The following GRIP1 variants were observed in gnomAD, a reference collection of about 807,000 sequenced individuals.
GRIP1 encodes glutamate receptor-interacting protein 1.
GRIP1 carries 45 observed loss-of-function variants against 129.9 expected under a neutral mutation model. That is an observed-to-expected ratio of 0.35 (90% CI 0.27 to 0.44). GRIP1 has a LOEUF of 0.44. Among genes scored for constraint, GRIP1 ranks in the 20% least tolerant of loss-of-function variants. The pLI is 1.00. For synonymous variants in GRIP1, 530 were observed against 520.8 expected (o/e 1.02, Z -0.24); for missense variants, 1,196 against 1,396.8 (o/e 0.86, Z 2.29).
At chr12:66,422,359 A>G (rs10748045) in intron 14 of GRIP1, among the ~76,000 whole-genome samples, 62,703 of 152,048 alleles carry the variant, frequency 0.41, 13,275 homozygotes, top group African/African-American at 0.5. Context: ...TTAAAACTTC[A>G]TTCAATGATT....
intron 1 of GRIP1, among the ~76,000 whole-genome samples, chr12:66,936,226 C>G (rs2041481777): frequency 6.6e-6 from 1 of 152,056 alleles, no homozygotes; most frequent in Admixed American, 6.6e-5. Context: ...TTGAGACCAG[C>G]CTGGGCAACA....
intron 1 of GRIP1, among the ~76,000 whole-genome samples, chr12:66,657,837 G>A (rs563646228): frequency 2.5e-4 from 38 of 152,300 alleles, no homozygotes; most frequent in Non-Finnish European, 4.4e-4. Context: ...CACGATGGCC[G>A]TAATGTCTCC....
intron 2 of GRIP1, among the ~76,000 whole-genome samples, chr12:66,580,758 C>T (rs1395654119): frequency 1.3e-5 from 2 of 151,516 alleles, no homozygotes; most frequent in Non-Finnish European, 2.9e-5. Flanking sequence ...ATTCATAAAG[C>T]AAGTCCTTAG....
At chr12:66,600,359 C>CA (rs879540488) in intron 1 of GRIP1, among the ~76,000 whole-genome samples, 33 of 151,654 alleles carry the variant, frequency 2.2e-4, no homozygotes, top group Middle Eastern at 6.8e-3. Context: ...TATAAACGAA[C>CA]AAAAAAAAGG....
intron 1 of GRIP1, among the ~76,000 whole-genome samples, chr12:66,781,651 G>C (rs2136788960): frequency 6.6e-6 from 1 of 152,256 alleles, no homozygotes; most frequent in African/African-American, 2.4e-5. Flanking sequence ...AATTATGCAA[G>C]AACAATAGGT....
chr12:67,065,081 C>T (rs2043601457), intron 1 of GRIP1: 2 of 151,956 alleles, frequency 1.3e-5, no homozygotes, highest in Middle Eastern at 6.8e-3. Flanking sequence ...AGGACATGAA[C>T]TCATCATTTT....
chr12:66,410,596 T>C (rs1046816998), intron 15 of GRIP1, among the ~76,000 whole-genome samples: 1 of 151,822 alleles, frequency 6.6e-6, no homozygotes, highest in Non-Finnish European at 1.5e-5. Flanking sequence ...TGGGCCGAGA[T>C]TGCACCACAT....
chr12:66,358,945 C>A (rs1389726897), intron 23 of GRIP1, among the ~76,000 whole-genome samples: 1 of 152,206 alleles, frequency 6.6e-6, no homozygotes, highest in Non-Finnish European at 1.5e-5. Flanking sequence ...ATGTCCCACT[C>A]TGGCTTTATC....
rs189954108 is a variant in GRIP1, at chr12:66,480,727, G to C, written c.725-15305C>G. On this transcript the variant is annotated intron_variant, in intron 7 of 24. Coordinates refer to ENST00000359742, the MANE Select transcript of GRIP1 (RefSeq NM_001366722.1). ...ATCAAAACAGAGATATAGACCAATG[G>C]AACAGAACAGAGGCCTCAGAAATAA... Among the ~76,000 whole-genome samples the C allele has an allele frequency of 2.9e-3, 441 of 152,182 alleles. 3 individuals are homozygous for C. The highest frequency in any genetic ancestry group is 0.01 in the African/African-American group (416 of 41,516).
At chr12:67,068,464 A>G (rs1398180591) in intron 1 of GRIP1, among the ~76,000 whole-genome samples, 9 of 151,640 alleles carry the variant, frequency 5.9e-5, no homozygotes, top group Admixed American at 3.9e-4. Flanking sequence ...CGAGGGGACA[A>G]TCTTTCCCCT....
At chr12:66,481,349 G>C (rs2059800369) in intron 7 of GRIP1, among the ~76,000 whole-genome samples, 1 of 151,844 alleles carries the variant, frequency 6.6e-6, no homozygotes, top group South Asian at 2.1e-4. Context: ...CTGAAAAAAA[G>C]CTCATCATCA....
chr12:66,798,030 T>A (rs1444854442), intron 1 of GRIP1, among the ~76,000 whole-genome samples: 1 of 152,200 alleles, frequency 6.6e-6, no homozygotes, highest in Non-Finnish European at 1.5e-5. Flanking sequence ...AGGAGCATTT[T>A]AAATATGAAC....
chr12:66,533,117 A>ATT (rs1163748025), intron 4 of GRIP1, among the ~76,000 whole-genome samples: 1 of 152,194 alleles, frequency 6.6e-6, no homozygotes, highest in Non-Finnish European at 1.5e-5. Flanking sequence ...ATGGATGAGA[A>ATT]TTATGTAACA....
chr12:66,366,150 A>G (rs139807872), intron 23 of GRIP1, among the ~76,000 whole-genome samples: 2 of 152,326 alleles, frequency 1.3e-5, no homozygotes, highest in Non-Finnish European at 1.5e-5. Context: ...ACAATTCTAC[A>G]CTAGGTATTT....
intron 1 of GRIP1, chr12:66,630,129 T>TA: frequency 6.6e-6 from 1 of 152,358 alleles, no homozygotes; most frequent in Middle Eastern, 3.4e-3. Context: ...GACAGGCAGA[T>TA]CACTGGAGGC....
intron 1 of GRIP1, among the ~76,000 whole-genome samples, chr12:66,658,154 T>A (rs2033277685): frequency 6.6e-6 from 1 of 152,072 alleles, no homozygotes; most frequent in Non-Finnish European, 1.5e-5. Context: ...AACTGATTTG[T>A]TAATGCAAAA....
In GRIP1 at chr12:66,711,146, C is replaced by T. The variant is rs148055358; in HGVS notation, c.-419-80810G>A. Among the ~76,000 whole-genome samples, 503 of 151,934 alleles carry T rather than the reference C, an allele frequency of 3.3e-3. 2 individuals are homozygous for T. The highest frequency in any genetic ancestry group is 0.011 in the African/African-American group (473 of 41,510). ...CATAACCTGATTTAGAGCTTGCTTG[C>T]TCAGATTCTTGCTATTAGAAAAGTC... On this transcript the variant is annotated intron_variant, in intron 1 of 4. Coordinates refer to the GRIP1 transcript ENST00000538373.
chr12:66,483,419 C>T (rs574757723), intron 7 of GRIP1, among the ~76,000 whole-genome samples: 79 of 152,190 alleles, frequency 5.2e-4, no homozygotes, highest in African/African-American at 1.9e-3. Flanking sequence ...GTCTTAAATC[C>T]TAACTTTTCC....
At chr12:66,708,196 G>C (rs1490343992) in intron 1 of GRIP1, among the ~76,000 whole-genome samples, 1 of 151,936 alleles carries the variant, frequency 6.6e-6, no homozygotes, top group Non-Finnish European at 1.5e-5. Context: ...CACAGCATAT[G>C]CACACAGTAG....
Sources: gnomAD v4.1 joint callset for allele counts (sites outside exome capture counted in the v4.1 genomes callset) on GRCh38, gnomAD v4.1.1 for gene constraint, MANE v1.5 for transcripts, NCBI Gene and HGNC (gene_info 2026-07-23, HGNC 2026-07-21) for gene names.